Variants in PHACTR4 observed in about 807,000 individuals in gnomAD.
PHACTR4 encodes protein phosphatase 1, regulatory subunit 124.
PHACTR4 carries 51 observed loss-of-function variants against 72.7 expected under a neutral mutation model. The ratio of observed to expected loss-of-function variants is 0.70; its 90% CI spans 0.56 to 0.89. The LOEUF is 0.89. Ranked by LOEUF, PHACTR4 falls within the 40% of genes least tolerant of loss-of-function variation. PHACTR4 has a pLI of 0.00. For missense variants in PHACTR4, 731 were observed against 861.8 expected (o/e 0.85, Z 1.90); for synonymous variants, 255 against 302.5 (o/e 0.84, Z 1.63).
At chr1:28,415,127 G>C (rs922070571) in intron 2 of PHACTR4, among the ~76,000 whole-genome samples, 1 of 151,992 alleles carries the variant, frequency 6.6e-6, no homozygotes, top group Non-Finnish European at 1.5e-5. Flanking sequence ...CAGGCATGAT[G>C]GCGTGCTACT....
intron 1 of PHACTR4, among the ~76,000 whole-genome samples, chr1:28,377,935 C>T (rs4908410): frequency 0.38 from 57,641 of 151,436 alleles, 12,608 homozygotes; most frequent in African/African-American, 0.6. Context: ...TGTTGGCTCA[C>T]GCCTGTAATC....
At chr1:28,485,042 GC>G (rs1357872542) in intron 9 of PHACTR4, among the ~76,000 whole-genome samples, 3 of 152,116 alleles carry the variant, frequency 2.0e-5, no homozygotes, top group Non-Finnish European at 4.4e-5. Flanking sequence ...CCTCCAATAT[GC>G]TAACAACATA....
At chr1:28,483,214 C>CAA (rs1236643505) in intron 9 of PHACTR4, among the ~76,000 whole-genome samples, 1 of 151,520 alleles carries the variant, frequency 6.6e-6, no homozygotes, top group East Asian at 2.0e-4. Context: ...GGCAACATGA[C>CAA]AAGACCCTGT....
chr1:28,370,995 G>A (rs980851549), intron 1 of PHACTR4, among the ~76,000 whole-genome samples: 1 of 152,184 alleles, frequency 6.6e-6, no homozygotes, highest in African/African-American at 2.4e-5. Context: ...GATTCTTACC[G>A]GAAACCGCGG....
At chr1:28,478,508 T>A (rs141085944) in intron 8 of PHACTR4, among the ~76,000 whole-genome samples, 1 of 152,316 alleles carries the variant, frequency 6.6e-6, no homozygotes, top group African/African-American at 2.4e-5. Flanking sequence ...CTCAGCTCAC[T>A]GTAACCTCCG....
intron 2 of PHACTR4, among the ~76,000 whole-genome samples, chr1:28,428,904 A>G (rs1656042406): frequency 6.6e-6 from 1 of 152,230 alleles, no homozygotes; most frequent in African/African-American, 2.4e-5. Context: ...ATGTAAGTAA[A>G]GTAACTTTCC....
At chr1:28,403,477 C>A (rs1325631430) in intron 1 of PHACTR4, among the ~76,000 whole-genome samples, 1 of 152,160 alleles carries the variant, frequency 6.6e-6, no homozygotes, top group Non-Finnish European at 1.5e-5. Flanking sequence ...TCCTGTCATT[C>A]CTTAATGGAG....
rs141029069 is a variant in PHACTR4, at chr1:28,481,035, ATT to A, written c.1760+439_1760+440del. On this transcript the variant is annotated intron_variant, in intron 9 of 13. Coordinates refer to ENST00000373839, the MANE Select transcript of PHACTR4 (RefSeq NM_001048183.3). ...GTATTCATTTATCTTTTTTAGTGTG[ATT>A]TTTTTTTCTTTTCAGACAGAGTCTT... Among the ~76,000 whole-genome samples the A allele has an allele frequency of 3.4e-5, 5 of 145,954 alleles. No homozygotes were observed. The Admixed American group carries it at 3.4e-4, about 10-fold the overall frequency.
At chr1:28,386,077 T>C (rs907875088) in intron 1 of PHACTR4, among the ~76,000 whole-genome samples, 32 of 152,264 alleles carry the variant, frequency 2.1e-4, no homozygotes, top group Non-Finnish European at 4.3e-4. Context: ...GAGAAGAATG[T>C]GTATTCTGTT....
At position 28,499,691 on chromosome 1, in the gene PHACTR4, G is replaced by A. The variant is rs149110482; in HGVS notation, c.*3142G>A. 9 of 152,230 alleles carry A rather than the reference G, an allele frequency of 5.9e-5. No individual in the cohort carries two copies. Among genetic ancestry groups the A allele is most frequent in the East Asian group, 5.8e-4 (3 of 5,172 alleles). 9.4% of individuals were successfully genotyped at this position (152,230 alleles called of 1,614,324 possible). Reference sequence around the variant, plus strand: ...AGGTTTTGCCATATTGCCCAGGCTCGTCTTGAACACCGGGGCTCAAGGAAT... The same window carrying A: ...AGGTTTTGCCATATTGCCCAGGCTCATCTTGAACACCGGGGCTCAAGGAAT... On this transcript the variant is annotated 3_prime_UTR_variant, in exon 14 of 14. Transcript: ENST00000373839.
rs539985474 is a variant in PHACTR4, at chr1:28,449,149, A to AAAC, written c.17-9917_17-9915dup. Among the ~76,000 whole-genome samples the AAAC allele has an allele frequency of 5.9e-5, 9 of 151,926 alleles. No individual in the cohort carries two copies. The East Asian group carries it at 9.8e-4, about 17-fold the overall frequency. On this transcript the variant is annotated intron_variant, in intron 2 of 13. Coordinates refer to ENST00000373839, the MANE Select transcript of PHACTR4 (RefSeq NM_001048183.3). Reference sequence around the variant, plus strand: ...AAGAGTGAGACACTGTCTCAAAACAAAACAACAACAACAACAACAACTGGC... The same window carrying AAAC: ...AAGAGTGAGACACTGTCTCAAAACAAAACAACAACAACAACAACAACAACTGGC...
intron 4 of PHACTR4, among the ~76,000 whole-genome samples, chr1:28,463,360 T>C (rs1261472725): frequency 6.6e-6 from 1 of 152,190 alleles, no homozygotes; most frequent in East Asian, 1.9e-4. Context: ...TGCAGAACCC[T>C]CTATATTTAA....
intron 1 of PHACTR4, among the ~76,000 whole-genome samples, chr1:28,399,535 AT>A (rs1030966558): frequency 6.6e-6 from 1 of 151,984 alleles, no homozygotes; most frequent in Non-Finnish European, 1.5e-5. Flanking sequence ...ATTTCTATTA[AT>A]TTCTTGTTGG....
chr1:28,432,972 C>T, intron 2 of PHACTR4: 1 of 515,172 alleles, frequency 1.9e-6, no homozygotes, highest in South Asian at 8.4e-5. Context: ...TCTTGAACTC[C>T]TGGACTCAAG....
intron 9 of PHACTR4, 69 bp from the exon 10 acceptor site, chr1:28,489,101 C>A: frequency 1.5e-6 from 2 of 1,370,300 alleles, no homozygotes; most frequent in South Asian, 1.2e-5. Flanking sequence ...ATACTGTGAC[C>A]AAAAAAATCT....
chr1:28,422,807 A>T (rs1038321020), intron 2 of PHACTR4, among the ~76,000 whole-genome samples: 1 of 152,114 alleles, frequency 6.6e-6, no homozygotes, highest in Non-Finnish European at 1.5e-5. Context: ...TCTTTTTTTG[A>T]GACAGAGTCT....
chr1:28,424,206 T>G (rs2124351722), intron 2 of PHACTR4, among the ~76,000 whole-genome samples: 1 of 152,194 alleles, frequency 6.6e-6, no homozygotes, highest in East Asian at 1.9e-4. Context: ...TTATTTTTAT[T>G]TTTGAGGCAG....
At chr1:28,438,079 G>C in intron 2 of PHACTR4, 1 of 995,504 alleles carries the variant, frequency 1.0e-6, no homozygotes, top group Non-Finnish European at 1.2e-6. Context: ...TCAGCAGCCA[G>C]AATGTGGTTG....
chr1:28,450,089 CTG>C (rs1195011199), intron 2 of PHACTR4, among the ~76,000 whole-genome samples: 2 of 151,994 alleles, frequency 1.3e-5, no homozygotes, highest in Non-Finnish European at 2.9e-5. Flanking sequence ...AAACTCCAAA[CTG>C]TAATTTGGTT....
Sources: gnomAD v4.1 joint callset for allele counts (sites outside exome capture counted in the v4.1 genomes callset) on GRCh38, gnomAD v4.1.1 for gene constraint, MANE v1.5 for transcripts, NCBI Gene and HGNC (gene_info 2026-07-23, HGNC 2026-07-21) for gene names.